Variants in PCDH9 observed in about 807,000 individuals in gnomAD.
PCDH9 encodes the protein protocadherin-9.
PCDH9 carries 24 observed loss-of-function variants against 70.6 expected under a neutral mutation model. That is an observed-to-expected ratio of 0.34 (90% CI 0.25 to 0.48). The LOEUF is 0.48. Ranked by LOEUF, PCDH9 falls within the 20% of genes least tolerant of loss-of-function variation. PCDH9 has a pLI of 0.99. For synonymous variants in PCDH9, 562 were observed against 558.5 expected (o/e 1.01, Z -0.09); for missense variants, 1,281 against 1,503.6 (o/e 0.85, Z 2.45).
intron 3 of PCDH9, among the ~76,000 whole-genome samples, chr13:66,879,516 T>TAC (rs548863166): frequency 1.3e-3 from 196 of 152,228 alleles, no homozygotes; most frequent in Admixed American, 2.3e-3. Flanking sequence ...AAGATGGACA[T>TAC]ACACACACAT....
At chr13:67,051,788 C>T (rs1277064804) in intron 2 of PCDH9, among the ~76,000 whole-genome samples, 1 of 151,946 alleles carries the variant, frequency 6.6e-6, no homozygotes, top group East Asian at 1.9e-4. Context: ...TCTTTTCTTC[C>T]TTATATATAT....
intron 4 of PCDH9, among the ~76,000 whole-genome samples, chr13:66,410,309 C>T (rs1234600507): frequency 1.3e-5 from 2 of 151,896 alleles, no homozygotes; most frequent in Non-Finnish European, 2.9e-5. Context: ...CATTGTTTTA[C>T]AGTGATCAAA....
intron 3 of PCDH9, among the ~76,000 whole-genome samples, chr13:66,736,896 C>G (rs1037528418): frequency 6.6e-6 from 1 of 152,178 alleles, no homozygotes; most frequent in Non-Finnish European, 1.5e-5. Flanking sequence ...GATCTTTCCC[C>G]CGATTCAACC....
chr13:67,066,102 G>A (rs1319230675), intron 2 of PCDH9, among the ~76,000 whole-genome samples: 1 of 152,100 alleles, frequency 6.6e-6, no homozygotes, highest in Non-Finnish European at 1.5e-5. Flanking sequence ...TATAATGTGT[G>A]TGCTTGATGA....
chr13:66,979,903 C>G (rs1447443636), intron 2 of PCDH9, among the ~76,000 whole-genome samples: 3 of 152,012 alleles, frequency 2.0e-5, no homozygotes, highest in Non-Finnish European at 4.4e-5. Flanking sequence ...TATTTACCTT[C>G]TCCTATCCCT....
intron 2 of PCDH9, among the ~76,000 whole-genome samples, chr13:67,154,591 A>ATATATATATATAT (rs1342357485): frequency 1.1e-5 from 1 of 88,848 alleles, no homozygotes; most frequent in African/African-American, 4.6e-5. Context: ...AAAAAAAAAA[A>ATATATATATATAT]AAAAATATAT....
chr13:66,705,100 A>T (rs926928007), intron 3 of PCDH9, among the ~76,000 whole-genome samples: 1 of 152,144 alleles, frequency 6.6e-6, no homozygotes, highest in African/African-American at 2.4e-5. Flanking sequence ...ATGGTTACAA[A>T]GGGGTAAGTG....
At chr13:67,186,597 A>T (rs2088766066) in intron 2 of PCDH9, among the ~76,000 whole-genome samples, 1 of 152,144 alleles carries the variant, frequency 6.6e-6, no homozygotes, top group South Asian at 2.1e-4. Context: ...ATGTTTAATG[A>T]TCTACCACAA....
intron 2 of PCDH9, among the ~76,000 whole-genome samples, chr13:66,913,704 C>A (rs2139626459): frequency 6.6e-6 from 1 of 152,092 alleles, no homozygotes; most frequent in East Asian, 1.9e-4. Context: ...ATATCTCTAA[C>A]TTTAGACTTC....
chr13:66,678,481 A>G (rs2139053696), intron 3 of PCDH9, among the ~76,000 whole-genome samples: 1 of 152,186 alleles, frequency 6.6e-6, no homozygotes, highest in Admixed American at 6.6e-5. Flanking sequence ...GATGTATTAT[A>G]GAACAAAGCC....
intron 3 of PCDH9, among the ~76,000 whole-genome samples, chr13:66,852,145 C>T (rs12428689): frequency 0.26 from 39,786 of 151,890 alleles, 6,233 homozygotes; most frequent in East Asian, 0.35. Context: ...TTCAACATAT[C>T]ATTCTACAAG....
At chr13:66,615,329 A>G (rs1302931739) in intron 4 of PCDH9, among the ~76,000 whole-genome samples, 1 of 152,198 alleles carries the variant, frequency 6.6e-6, no homozygotes, top group African/African-American at 2.4e-5. Flanking sequence ...ATTTTTGTGA[A>G]TAATGCTAAT....
rs147927551 is a variant in PCDH9 at position 66,774,517 on chromosome 13, A to T, written c.3138+128987T>A. Among the ~76,000 whole-genome samples the T allele has an allele frequency of 3.1e-3, 466 of 152,310 alleles. 2 individuals carry two copies. Among genetic ancestry groups the T allele is most frequent in the African/African-American group, 0.011 (442 of 41,560 alleles). ...TTAAAAGTTATTTAACATATGAGCA[A>T]AGCATAGAAAATGGACAGATTGAGG... On this transcript the variant is annotated intron_variant, in intron 3 of 4. Coordinates refer to ENST00000377865, the MANE Select transcript of PCDH9 (RefSeq NM_203487.3).
intron 3 of PCDH9, among the ~76,000 whole-genome samples, chr13:66,796,992 G>A (rs79094088): frequency 0.022 from 3,385 of 152,134 alleles, 137 homozygotes; most frequent in African/African-American, 0.075. Context: ...AGAAAACAAA[G>A]CAGTGAAATA....
At position 67,048,884 on chromosome 13, in the gene PCDH9, A is replaced by C. The variant is rs1594440298; in HGVS notation, c.3037-145279T>G. Among the ~76,000 whole-genome samples, 3 of 152,252 alleles carry C rather than the reference A, an allele frequency of 2.0e-5. No homozygotes were observed. The South Asian group carries it at 6.2e-4, about 32-fold the overall frequency. On this transcript the variant is annotated intron_variant, in intron 2 of 4. Transcript: ENST00000377865. ...TCTGTTATACCGGCAGGCAAACATG[A>C]AGGCCCAGGACAGCTTGAGTTAAAA... is the stretch of plus-strand genomic sequence containing the variant.
At chr13:67,194,617 C>A (rs544495211) in intron 2 of PCDH9, among the ~76,000 whole-genome samples, 3 of 152,068 alleles carry the variant, frequency 2.0e-5, no homozygotes, top group Non-Finnish European at 4.4e-5. Context: ...CAATGTAAAA[C>A]CTTTGCTTCC....
At chr13:67,019,053 C>A (rs1594398643) in intron 2 of PCDH9, among the ~76,000 whole-genome samples, 1 of 152,072 alleles carries the variant, frequency 6.6e-6, no homozygotes, top group African/African-American at 2.4e-5. Context: ...TTATTATTTT[C>A]TCAGAAGTTT....
chr13:66,537,156 A>G (rs979793896), intron 4 of PCDH9, among the ~76,000 whole-genome samples: 2 of 152,072 alleles, frequency 1.3e-5, no homozygotes, highest in Non-Finnish European at 1.5e-5. Context: ...GGTATTTCTA[A>G]TTATCTGCCT....
At chr13:66,791,640 G>A (rs371765200) in intron 3 of PCDH9, among the ~76,000 whole-genome samples, 1 of 151,976 alleles carries the variant, frequency 6.6e-6, no homozygotes, top group Admixed American at 6.6e-5. Flanking sequence ...TGTAAATAAT[G>A]TAGTAATGCT....
Sources: allele counts gnomAD v4.1 joint callset (sites outside exome capture counted in the v4.1 genomes callset), GRCh38; gene constraint gnomAD v4.1.1; transcripts MANE v1.5; gene names NCBI Gene and HGNC (gene_info 2026-07-23, HGNC 2026-07-21).